The following NCKAP5 variants were observed in gnomAD, a reference collection of about 807,000 sequenced individuals.
NCKAP5 encodes the protein nck-associated protein 5.
In NCKAP5, 92 loss-of-function variants were observed where a neutral mutation model predicts 167.0. The ratio of observed to expected loss-of-function variants is 0.55; its 90% CI spans 0.47 to 0.66. The LOEUF (loss-of-function observed/expected upper bound fraction) is 0.66. Ranked by LOEUF, NCKAP5 falls within the 30% of genes least tolerant of loss-of-function variation. The pLI is 0.00. For missense variants in NCKAP5, 2,378 were observed against 2,315.0 expected (o/e 1.03, Z -0.56); for synonymous variants, 891 against 877.4 (o/e 1.02, Z -0.27).
intron 6 of NCKAP5, among the ~76,000 whole-genome samples, chr2:133,113,528 A>T (rs777020836): frequency 4.6e-5 from 7 of 152,038 alleles, no homozygotes; most frequent in Non-Finnish European, 1.0e-4. Context: ...AGGGGGCTTC[A>T]CTCCGAGCCT....
At chr2:133,665,122 C>A in the NCKAP5 span, among the ~76,000 whole-genome samples, 1 of 152,176 alleles carries the variant, frequency 6.6e-6, no homozygotes, top group Non-Finnish European at 1.5e-5. Flanking sequence ...AGCAATGGAG[C>A]CTGTTTCACT....
the NCKAP5 span, among the ~76,000 whole-genome samples, chr2:133,608,663 G>A: frequency 6.6e-6 from 1 of 152,154 alleles, no homozygotes; most frequent in Non-Finnish European, 1.5e-5. Context: ...GGTTTTGTTT[G>A]AGCCTCAATA....
intron 6 of NCKAP5, among the ~76,000 whole-genome samples, chr2:133,029,357 A>G (rs2078802386): frequency 6.6e-6 from 1 of 152,176 alleles, no homozygotes; most frequent in African/African-American, 2.4e-5. Flanking sequence ...CCATTTGTAG[A>G]CAATCAGATC....
At chr2:133,661,568 A>G in the NCKAP5 span, among the ~76,000 whole-genome samples, 1 of 152,246 alleles carries the variant, frequency 6.6e-6, no homozygotes, top group South Asian at 2.1e-4. Context: ...CACGCTCTCC[A>G]GTTCGCCCAC....
intron 1 of NCKAP5, among the ~76,000 whole-genome samples, chr2:133,564,317 C>A (rs1233334327): frequency 6.6e-6 from 1 of 152,158 alleles, no homozygotes; most frequent in African/African-American, 2.4e-5. Flanking sequence ...ATACAGTAAC[C>A]ACTCAATAGT....
intron 3 of NCKAP5, among the ~76,000 whole-genome samples, chr2:133,473,889 C>A (rs1352011289): frequency 1.3e-5 from 2 of 151,994 alleles, no homozygotes; most frequent in Admixed American, 1.3e-4. Context: ...AGCAAAAATG[C>A]ATAAAGCAGG....
chr2:132,916,651 T>C (rs1694903257), intron 8 of NCKAP5, among the ~76,000 whole-genome samples: 1 of 152,098 alleles, frequency 6.6e-6, no homozygotes, highest in Non-Finnish European at 1.5e-5. Context: ...AAAGTTTATA[T>C]TAAAATGTGA....
At chr2:132,822,584 A>C (rs536518718) in intron 11 of NCKAP5, among the ~76,000 whole-genome samples, 1 of 152,230 alleles carries the variant, frequency 6.6e-6, no homozygotes, top group South Asian at 2.1e-4. Flanking sequence ...TGGCCTCTCC[A>C]TTGAATTAGT....
At chr2:132,976,045 T>A (rs1255726508) in intron 7 of NCKAP5, among the ~76,000 whole-genome samples, 2 of 152,138 alleles carry the variant, frequency 1.3e-5, no homozygotes, top group Admixed American at 6.6e-5. Flanking sequence ...AAAATAAATT[T>A]AAGCCAATAT....
At chr2:132,694,473 C>CTTTAAAAG (rs1558932598) in intron 19 of NCKAP5, among the ~76,000 whole-genome samples, 1 of 151,372 alleles carries the variant, frequency 6.6e-6, no homozygotes, top group East Asian at 2.0e-4. Context: ...TGGCCCAAAA[C>CTTTAAAAG]TTTTAGTCCC....
At chr2:133,159,997 C>T (rs866292982) in intron 5 of NCKAP5, among the ~76,000 whole-genome samples, 1 of 152,184 alleles carries the variant, frequency 6.6e-6, no homozygotes, top group African/African-American at 2.4e-5. Flanking sequence ...ATCTTCTCCC[C>T]ATCTGGTCTT....
At chr2:133,386,671 G>C (rs1398740302) in intron 3 of NCKAP5, among the ~76,000 whole-genome samples, 1 of 152,146 alleles carries the variant, frequency 6.6e-6, no homozygotes. Flanking sequence ...CATTATTATC[G>C]TGTGGGAGTC....
intron 11 of NCKAP5, among the ~76,000 whole-genome samples, chr2:132,797,004 A>C (rs1684662443): frequency 6.6e-6 from 1 of 152,254 alleles, no homozygotes; most frequent in African/African-American, 2.4e-5. Flanking sequence ...AGTAGTTAAA[A>C]AAATAAGCAG....
chr2:133,030,968 G>A (rs1378300806), intron 6 of NCKAP5, among the ~76,000 whole-genome samples: 3 of 152,048 alleles, frequency 2.0e-5, no homozygotes, highest in African/African-American at 7.2e-5. Flanking sequence ...TTCTGTGAGA[G>A]GATATATGCA....
chr2:133,113,862 C>G (rs533732200), intron 6 of NCKAP5, among the ~76,000 whole-genome samples: 45 of 152,258 alleles, frequency 3.0e-4, no homozygotes, highest in Non-Finnish European at 4.6e-4. Flanking sequence ...AGGGAGCCAA[C>G]CAAACCACTG....
intron 3 of NCKAP5, among the ~76,000 whole-genome samples, chr2:133,512,649 T>C (rs774602136): frequency 6.6e-6 from 1 of 152,122 alleles, no homozygotes; most frequent in African/African-American, 2.4e-5. Context: ...AGTCACTAAA[T>C]AGAGGGGAAA....
chr2:133,357,618 G>A (rs1464641313), intron 3 of NCKAP5, among the ~76,000 whole-genome samples: 1 of 152,156 alleles, frequency 6.6e-6, no homozygotes, highest in Non-Finnish European at 1.5e-5. Flanking sequence ...ACCTACCTCT[G>A]ATATTTGGGA....
chr2:133,510,386 T>G (rs1683384076), intron 3 of NCKAP5, among the ~76,000 whole-genome samples: 1 of 151,964 alleles, frequency 6.6e-6, no homozygotes, highest in Non-Finnish European at 1.5e-5. Flanking sequence ...TGGGTATGTG[T>G]GTACACACAC....
intron 3 of NCKAP5, among the ~76,000 whole-genome samples, chr2:133,450,647 A>C (rs879572735): frequency 6.6e-6 from 1 of 152,200 alleles, no homozygotes; most frequent in Non-Finnish European, 1.5e-5. Context: ...TTAACCACAC[A>C]CTATTCTCAA....
Sources: gnomAD v4.1 joint callset for allele counts (sites outside exome capture counted in the v4.1 genomes callset) on GRCh38, gnomAD v4.1.1 for gene constraint, MANE v1.5 for transcripts, NCBI Gene and HGNC (gene_info 2026-07-23, HGNC 2026-07-21) for gene names.